HS3ST4: variants seen among roughly 807,000 people sequenced by gnomAD.
The protein encoded by HS3ST4 is heparan sulfate-glucosamine 3-sulfotransferase 4.
Under a neutral mutation model 29.2 loss-of-function variants are expected in HS3ST4, and 17 were observed. The observed-to-expected ratio is 0.58, with a 90% CI of 0.40 to 0.87. HS3ST4 has a LOEUF of 0.87. Ranked by LOEUF, HS3ST4 falls within the 40% of genes least tolerant of loss-of-function variation. The pLI, the probability that HS3ST4 is intolerant of heterozygous loss-of-function variation, is 0.00. For synonymous variants in HS3ST4, 314 were observed against 285.7 expected (o/e 1.10, Z -1.00); for missense variants, 627 against 634.5 (o/e 0.99, Z 0.13).
chr16:25,795,319 C>T (rs935310448), intron 1 of HS3ST4, among the ~76,000 whole-genome samples: 6 of 151,956 alleles, frequency 3.9e-5, no homozygotes, highest in African/African-American at 1.4e-4. Flanking sequence ...ACTTTTTATG[C>T]TTTAGTCTGA....
chr16:25,848,701 G>A (rs774725334), intron 1 of HS3ST4, among the ~76,000 whole-genome samples: 5 of 151,768 alleles, frequency 3.3e-5, no homozygotes, highest in African/African-American at 4.8e-5. Flanking sequence ...TTTTTACAGA[G>A]CTAGCTTTTA....
chr16:26,060,029 C>A (rs1007825949), intron 1 of HS3ST4, among the ~76,000 whole-genome samples: 2 of 152,146 alleles, frequency 1.3e-5, no homozygotes, highest in African/African-American at 4.8e-5. Context: ...CTGCCCGCCC[C>A]GGCCTCTCAA....
At chr16:26,081,854 G>A (rs550516394) in intron 1 of HS3ST4, among the ~76,000 whole-genome samples, 3 of 134,878 alleles carry the variant, frequency 2.2e-5, no homozygotes, top group East Asian at 4.6e-4. Flanking sequence ...GGAGTACAAT[G>A]GCATGATCTT....
In HS3ST4 at chr16:26,136,920, C is replaced by T. The variant is rs947056467; in HGVS notation, c.*672C>T. 2 of 152,872 alleles carry T rather than the reference C, an allele frequency of 1.3e-5. No homozygotes were observed. Among genetic ancestry groups the T allele is most frequent in the African/African-American group, 4.8e-5 (2 of 41,406 alleles). The allele number at this position is 152,872 out of a possible 1,614,324, so 9.5% of individuals were successfully genotyped here. A position where few individuals can be genotyped will look rare whatever the true frequency, so the allele number is the denominator to read the frequency against. On this transcript the variant is annotated 3_prime_UTR_variant, in exon 2 of 2. Coordinates refer to ENST00000331351, the MANE Select transcript of HS3ST4 (RefSeq NM_006040.3). ...CAGAAGAAAATGAAAGCTGACACAC[C>T]TCGAAGCCTTCTTTCCAAGAGCCCT...
chr16:25,981,718 G>A (rs1969007774), intron 1 of HS3ST4, among the ~76,000 whole-genome samples: 1 of 150,828 alleles, frequency 6.6e-6, no homozygotes, highest in African/African-American at 2.4e-5. Context: ...AAGCCCAAGT[G>A]GACAGAGACA....
chr16:25,740,459 G>T lies in HS3ST4; in HGVS notation c.734+47308G>T, dbSNP rs578122450. 2.6e-5 allele frequency among the ~76,000 whole-genome samples: 4 copies of T among 152,256 alleles called. No individual in the cohort carries two copies. In the South Asian group the frequency reaches 8.3e-4, roughly 32 times the overall value. On this transcript the variant is annotated intron_variant, in intron 1 of 1. Coordinates refer to ENST00000331351, the MANE Select transcript of HS3ST4 (RefSeq NM_006040.3). ...TTTCTTGGATGCACTGAGCCCCAAA[G>T]ATCCTAGTTTCTAAGTGACTCCTTT...
At chr16:25,858,045 TTCTC>T (rs1049267692) in intron 1 of HS3ST4, among the ~76,000 whole-genome samples, 20 of 151,024 alleles carry the variant, frequency 1.3e-4, no homozygotes, top group African/African-American at 4.6e-4. Context: ...TCTTTCTTCT[TTCTC>T]TTTCTTTCTT....
intron 1 of HS3ST4, among the ~76,000 whole-genome samples, chr16:26,088,458 G>A (rs918609085): frequency 6.6e-6 from 1 of 152,128 alleles, no homozygotes; most frequent in Non-Finnish European, 1.5e-5. Context: ...TGGCTTGGTT[G>A]GTTTGTTGTG....
chr16:25,923,648 AAG>A (rs1567273269), intron 1 of HS3ST4, among the ~76,000 whole-genome samples: 1 of 152,114 alleles, frequency 6.6e-6, no homozygotes, highest in Non-Finnish European at 1.5e-5. Flanking sequence ...GCATGTGTGA[AAG>A]AGAGTCTAGA....
chr16:25,766,074 T>C (rs955738647), intron 1 of HS3ST4, among the ~76,000 whole-genome samples: 29 of 151,918 alleles, frequency 1.9e-4, no homozygotes, highest in African/African-American at 6.8e-4. Context: ...GTCAGAGATG[T>C]GAGGACATCT....
intron 1 of HS3ST4, among the ~76,000 whole-genome samples, chr16:25,841,285 G>A (rs559576290): frequency 1.1e-4 from 16 of 151,840 alleles, no homozygotes; most frequent in Non-Finnish European, 2.4e-4. Context: ...GATTACAGGC[G>A]TGAGCCACCA....
At chr16:25,739,431 C>T (rs1166305797) in intron 1 of HS3ST4, among the ~76,000 whole-genome samples, 1 of 152,156 alleles carries the variant, frequency 6.6e-6, no homozygotes, top group Non-Finnish European at 1.5e-5. Flanking sequence ...CTGCCAATTG[C>T]CCTAAGCCTC....
At chr16:25,889,818 T>C (rs1015302785) in intron 1 of HS3ST4, among the ~76,000 whole-genome samples, 2 of 152,086 alleles carry the variant, frequency 1.3e-5, no homozygotes, top group Non-Finnish European at 2.9e-5. Flanking sequence ...AATTGAATCA[T>C]TGGGGTGGGG....
At position 25,848,340 on chromosome 16, in the gene HS3ST4, A is replaced by G. The variant is rs181501282; in HGVS notation, c.734+155189A>G. On this transcript the variant is annotated intron_variant, in intron 1 of 1. Transcript: ENST00000331351. The stretch of plus-strand genomic sequence containing the variant: ...TCTTTAGTAGAGATGGGGTTTCACC[A>G]TGTTGGCCAGGCTGGTCTCAAACTC... Among the ~76,000 whole-genome samples, 57 of 152,188 alleles carry G rather than the reference A, an allele frequency of 3.7e-4. 1 individual carries two copies. In the East Asian group the frequency reaches 0.011, roughly 29 times the overall value.
At chr16:25,855,604 T>G (rs1967567332) in intron 1 of HS3ST4, among the ~76,000 whole-genome samples, 1 of 152,214 alleles carries the variant, frequency 6.6e-6, no homozygotes, top group South Asian at 2.1e-4. Context: ...ATTTTAATGT[T>G]AGTGCTGGTC....
intron 1 of HS3ST4, among the ~76,000 whole-genome samples, chr16:25,746,600 G>C (rs1449943466): frequency 1.3e-5 from 2 of 151,128 alleles, no homozygotes; most frequent in Non-Finnish European, 2.9e-5. Context: ...CTCCCAGGCT[G>C]GAGTGCAATG....
At chr16:25,909,612 T>C (rs2141677434) in intron 1 of HS3ST4, among the ~76,000 whole-genome samples, 1 of 152,324 alleles carries the variant, frequency 6.6e-6, no homozygotes, top group South Asian at 2.1e-4. Context: ...CACATGGATA[T>C]GTACTCCCCT....
chr16:25,737,312 G>A (rs998748576), intron 1 of HS3ST4, among the ~76,000 whole-genome samples: 17 of 152,046 alleles, frequency 1.1e-4, no homozygotes, highest in South Asian at 2.1e-4. Context: ...ACATGTTCTG[G>A]TTTGATGTAG....
chr16:25,778,759 GAGA>G (rs941102070), intron 1 of HS3ST4, among the ~76,000 whole-genome samples: 1 of 151,932 alleles, frequency 6.6e-6, no homozygotes, highest in East Asian at 1.9e-4. Flanking sequence ...GAAGGAGGAG[GAGA>G]AGAAGGAGAA....
Sources: allele counts gnomAD v4.1 joint callset (sites outside exome capture counted in the v4.1 genomes callset), GRCh38; gene constraint gnomAD v4.1.1; transcripts MANE v1.5; gene names NCBI Gene and HGNC (gene_info 2026-07-23, HGNC 2026-07-21).